The following MMP15 variants were observed in gnomAD, a reference collection of about 807,000 sequenced individuals.
MMP15 encodes matrix metalloproteinase-15.
MMP15 carries 36 observed loss-of-function variants against 65.0 expected under a neutral mutation model. The ratio of observed to expected loss-of-function variants is 0.55; its 90% CI spans 0.42 to 0.73. MMP15 has a LOEUF of 0.73. MMP15 is among the 30% of genes least tolerant of loss of function. The pLI is 0.00. For synonymous variants in MMP15, 428 were observed against 410.2 expected (o/e 1.04, Z -0.52); for missense variants, 870 against 987.8 (o/e 0.88, Z 1.60).
intron 1 of MMP15, among the ~76,000 whole-genome samples, chr16:58,028,213 AGCTCAGGGAGT>A (rs1963851460): frequency 6.6e-6 from 1 of 152,074 alleles, no homozygotes; most frequent in Non-Finnish European, 1.5e-5. Flanking sequence ...CCAACTCCCC[AGCTCAGGGAGT>A]GCCCACAGCT....
In MMP15 at chr16:58,026,470, G is replaced by C. The variant is rs1963816555; in HGVS notation, c.120G>C (p.Leu40=). The C allele has an allele frequency of 1.4e-6, 2 of 1,409,958 alleles. No homozygotes were observed. Among genetic ancestry groups the C allele is most frequent in the Non-Finnish European group, 1.9e-6 (2 of 1,080,990 alleles). 87.3% of individuals were successfully genotyped at this position (1,409,958 alleles called of 1,614,324 possible). The change falls in exon 1 of 10, where the codon CTG becomes CTC. Residue 40 remains leucine, a synonymous_variant. Transcript: ENST00000219271. ...LPLLLVLLGC[L]GLGVAAEDAE... ...TGCTCCTGGTGCTTCTGGGCTGCCT[G>C]GGCCTTGGCGTAGCGGCCGAAGACG...
At chr16:58,043,051 T>C (rs1959485700) in intron 7 of MMP15, among the ~76,000 whole-genome samples, 159 bp from the exon 8 acceptor site, 1 of 152,070 alleles carries the variant, frequency 6.6e-6, no homozygotes, top group Non-Finnish European at 1.5e-5. Context: ...CAGGTATCCA[T>C]GAGTGCAGCA....
intron 1 of MMP15, among the ~76,000 whole-genome samples, chr16:58,035,386 G>T (rs2142326331): frequency 6.6e-6 from 1 of 152,324 alleles, no homozygotes; most frequent in Non-Finnish European, 1.5e-5. Context: ...GTGGAGCCTG[G>T]CCCATCACCA....
In MMP15 at chr16:58,026,467, C is replaced by A; in HGVS notation, c.117C>A (p.Cys39Ter). ...CGCTGCTCCTGGTGCTTCTGGGCTG[C>A]CTGGGCCTTGGCGTAGCGGCCGAAG... ...LLPLLLVLLG[C>*]LGLGVAAEDA... The change falls in exon 1 of 10, where the codon TGC (cysteine) becomes TGA (stop). Residue 39 changes from cysteine (C) to a stop codon, truncating the protein, a stop_gained. Coordinates refer to ENST00000219271, the MANE Select transcript of MMP15 (RefSeq NM_002428.4). LOFTEE classifies it high-confidence loss of function. The A allele has an allele frequency of 7.0e-7, 1 of 1,420,804 alleles. No individual in the cohort carries two copies. 88.0% of individuals were successfully genotyped at this position (1,420,804 alleles called of 1,614,324 possible). A position where few individuals can be genotyped will look rare whatever the true frequency, so the allele number is the denominator to read the frequency against.
chr16:58,026,332 T>C lies in MMP15; in HGVS notation c.-19T>C, dbSNP rs182536293. On this transcript the variant is annotated 5_prime_UTR_variant, in exon 1 of 10. Transcript: ENST00000219271. Reference sequence around the variant, plus strand: ...GGATCCGGCGTGCAGTGTTCCGAGCTGGGCTGGGCGCCGAGAGCATGGGCA... The same window carrying C: ...GGATCCGGCGTGCAGTGTTCCGAGCCGGGCTGGGCGCCGAGAGCATGGGCA... 442 of 1,330,780 alleles carry C rather than the reference T, an allele frequency of 3.3e-4. 2 individuals carry two copies. In the African/African-American group the frequency reaches 5.4e-3, roughly 16 times the overall value. 82.4% of individuals were successfully genotyped at this position (1,330,780 alleles called of 1,614,324 possible).
Position 58,043,297 on chromosome 16 carries a change from A to G in MMP15, c.1391A>G (p.Asp464Gly), listed in dbSNP as rs1450475339. The G allele has an allele frequency of 6.2e-7, 1 of 1,605,634 alleles. No homozygotes were observed. Among genetic ancestry groups the G allele is most frequent in the East Asian group, 2.2e-5 (1 of 44,544 alleles). Reference sequence around the variant, plus strand: ...AGCTATGGCCTGGGCATCCCCTATGACCGCATTGACACGGCCATCTGGTGG... The same window carrying G: ...AGCTATGGCCTGGGCATCCCCTATGGCCGCATTGACACGGCCATCTGGTGG... ...LTSYGLGIPY[D>G]RIDTAIWWEP... Residue 464 changes from aspartate to glycine, a missense_variant, in exon 8 of 10, where the codon GAC becomes GGC. Coordinates refer to ENST00000219271, the MANE Select transcript of MMP15 (RefSeq NM_002428.4).
chr16:58,029,802 A>G (rs908389519), intron 1 of MMP15, among the ~76,000 whole-genome samples: 1 of 152,002 alleles, frequency 6.6e-6, no homozygotes. Flanking sequence ...ATGGAAATAC[A>G]CGCTATCCCC....
chr16:58,035,273 C>T, intron 1 of MMP15, among the ~76,000 whole-genome samples: 1 of 152,222 alleles, frequency 6.6e-6, no homozygotes, highest in East Asian at 1.9e-4. Flanking sequence ...CACGACATTG[C>T]CAGTATCTTA....
chr16:58,043,720 G>A, intron 9 of MMP15, 93 bp downstream of exon 9: 2 of 884,904 alleles, frequency 2.3e-6, no homozygotes, highest in Non-Finnish European at 3.4e-6. Flanking sequence ...ACCCGGCACT[G>A]TGATGGTGTG....
chr16:58,027,042 G>T (rs1963830662), intron 1 of MMP15, among the ~76,000 whole-genome samples: 1 of 152,228 alleles, frequency 6.6e-6, no homozygotes, highest in Non-Finnish European at 1.5e-5. Context: ...GGATGGAGGC[G>T]GGGGGATGGG....
intron 4 of MMP15, 143 bp from the exon 5 acceptor site, chr16:58,040,394 T>G (rs1205153876): frequency 4.4e-6 from 5 of 1,136,988 alleles, no homozygotes; most frequent in Non-Finnish European, 6.1e-6. Context: ...CAGATGGGGT[T>G]GTTGTAGGCC....
chr16:58,028,466 CTGCTTCTAGGGT>C (rs1163119702), intron 1 of MMP15, among the ~76,000 whole-genome samples: 2 of 152,200 alleles, frequency 1.3e-5, no homozygotes, highest in Non-Finnish European at 2.9e-5. Flanking sequence ...TGGGTACAGG[CTGCTTCTAGGGT>C]CCCATCAGGT....
At chr16:58,042,205 G>T in intron 6 of MMP15, 26 bp from the exon 7 acceptor site, 1 of 1,603,886 alleles carries the variant, frequency 6.2e-7, no homozygotes, top group Non-Finnish European at 8.5e-7. Context: ...TGCCTGCGCT[G>T]CCCGCTCACA....
At chr16:58,026,589 T>G in intron 1 of MMP15, 77 bp downstream of exon 1, 1 of 1,264,384 alleles carries the variant, frequency 7.9e-7, no homozygotes, top group Non-Finnish European at 1.0e-6. Context: ...GGCTGGGACT[T>G]GGAGGTGGAG....
intron 1 of MMP15, among the ~76,000 whole-genome samples, chr16:58,029,828 CTT>C (rs1366455559): frequency 4.6e-5 from 7 of 152,084 alleles, no homozygotes; most frequent in Non-Finnish European, 8.8e-5. Context: ...CAAAAGAAGA[CTT>C]TCCCCAAAAG....
At position 58,026,295 on chromosome 16, in the gene MMP15, A is replaced by G. The variant is rs1963812704; in HGVS notation, c.-56A>G. Reference sequence around the variant, plus strand: ...AGCCAGGGAGCGTCGCAAGTTTCCAAGGCGCGTGCGAGGATCCGGCGTGCA... The same window carrying G: ...AGCCAGGGAGCGTCGCAAGTTTCCAGGGCGCGTGCGAGGATCCGGCGTGCA... On this transcript the variant is annotated 5_prime_UTR_variant, in exon 1 of 10. Coordinates refer to ENST00000219271, the MANE Select transcript of MMP15 (RefSeq NM_002428.4). 2 of 1,246,772 alleles carry G rather than the reference A, an allele frequency of 1.6e-6. No homozygotes were observed. The highest frequency in any genetic ancestry group is 3.3e-5 in the South Asian group (1 of 30,244). 77.2% of individuals were successfully genotyped at this position (1,246,772 alleles called of 1,614,324 possible).
chr16:58,029,324 CTCTT>C (rs1366629625), intron 1 of MMP15, among the ~76,000 whole-genome samples: 1 of 152,230 alleles, frequency 6.6e-6, no homozygotes, highest in East Asian at 1.9e-4. Context: ...CACTGGTCCC[CTCTT>C]TCTTTTAAAC....
chr16:58,036,780 CAAG>C lies in MMP15; in HGVS notation c.163-690_163-688del, dbSNP rs374932908. 2.3e-3 allele frequency among the ~76,000 whole-genome samples: 356 copies of C among 152,324 alleles called. 3 individuals are homozygous for C. Among genetic ancestry groups the C allele is most frequent in the East Asian group, 0.02 (105 of 5,186 alleles). On this transcript the variant is annotated intron_variant, in intron 1 of 9. Transcript: ENST00000219271. ...GGAGCAGTGCCAAAGAGTAAGGCCT[CAAG>C]AGGTCCTGAATCCTTTTGGGTCCTT...
Position 58,026,522 on chromosome 16 carries a change from C to G in MMP15, c.162+10C>G. 1 of 1,321,254 alleles carries G rather than the reference C, an allele frequency of 7.6e-7. No homozygotes were observed. The highest frequency in any genetic ancestry group is 2.4e-4 in the Middle Eastern group (1 of 4,212). 81.8% of individuals were successfully genotyped at this position (1,321,254 alleles called of 1,614,324 possible). ...GGAGGTCCATGCCGAGGTAAGACCC[C>G]CGCCCTGCCCTTTGGCTGCGGGCTG... is the stretch of plus-strand genomic sequence containing the variant. On this transcript the variant is annotated intron_variant, in intron 1 of 9. Coordinates refer to ENST00000219271, the MANE Select transcript of MMP15 (RefSeq NM_002428.4).
Sources: allele counts gnomAD v4.1 joint callset (sites outside exome capture counted in the v4.1 genomes callset), GRCh38; gene constraint gnomAD v4.1.1; transcripts MANE v1.5; gene names NCBI Gene and HGNC (gene_info 2026-07-23, HGNC 2026-07-21).